LARP1: variants seen among roughly 807,000 people sequenced by gnomAD.
LARP1 encodes the protein La ribonucleoprotein 1, translational regulator, also known as la-related protein 1.
In LARP1, 36 loss-of-function variants were observed where a neutral mutation model predicts 122.7. That is an observed-to-expected ratio of 0.29 (90% confidence interval 0.22 to 0.39). The LOEUF is 0.39. Ranked by LOEUF, LARP1 falls within the 10% of genes least tolerant of loss-of-function variation. The pLI is 1.00. For missense variants in LARP1, 1,040 were observed against 1,403.6 expected (o/e 0.74, Z 4.14); for synonymous variants, 539 against 528.7 (o/e 1.02, Z -0.27).
At chr5:154,730,103 C>T (rs939360980) in intron 1 of LARP1, among the ~76,000 whole-genome samples, 11 of 152,162 alleles carry the variant, frequency 7.2e-5, no homozygotes, top group African/African-American at 2.7e-4. Context: ...TATTATAACA[C>T]CAATATTGCA....
intron 1 of LARP1, among the ~76,000 whole-genome samples, chr5:154,758,187 G>A (rs1359067777): frequency 2.0e-5 from 3 of 151,972 alleles, no homozygotes; most frequent in Non-Finnish European, 4.4e-5. Context: ...GCCTGAGCTG[G>A]CATTTTGTGT....
intron 1 of LARP1, 109 bp downstream of exon 1, chr5:154,756,302 C>G (rs1004153264): frequency 2.1e-6 from 2 of 949,566 alleles, no homozygotes; most frequent in Middle Eastern, 5.1e-4. Context: ...GTCATGGTGA[C>G]TCGGGACTTT....
At chr5:154,801,242 G>A (rs1200156483) in intron 10 of LARP1, among the ~76,000 whole-genome samples, 8 of 152,192 alleles carry the variant, frequency 5.3e-5, no homozygotes, top group African/African-American at 1.9e-4. Context: ...TGGAACAATG[G>A]TATTCTTTCT....
At chr5:154,753,939 AG>A (rs1461451836), upstream of LARP1, among the ~76,000 whole-genome samples, 1 of 152,098 alleles carries the variant, frequency 6.6e-6, no homozygotes, top group African/African-American at 2.4e-5. Context: ...CCAACATTCC[AG>A]GCTGTTATGT....
rs556606351 is a variant in LARP1, at chr5:154,788,647, G to C, written c.437-1678G>C. 1.1e-3 allele frequency among the ~76,000 whole-genome samples: 162 copies of C among 152,188 alleles called. 2 individuals carry two copies. The highest frequency in any genetic ancestry group is 3.7e-3 in the African/African-American group (155 of 41,518). On this transcript the variant is annotated intron_variant, in intron 1 of 18. Coordinates refer to ENST00000518297, the MANE Select transcript of LARP1 (RefSeq NM_033551.3). ...ATGTATCTTTTCCTGTGGGTTTCTG[G>C]GGGAGGAAGGGGCACAGAAATTCTT...
Position 154,790,328 on chromosome 5 carries a change from A to T in LARP1, c.440A>T (p.His147Leu). ...CTCTCCCTTCTTGTTCCCACAGAAC[A>T]CTCTGCTCCAGCCAAGGTGGTGAGG... ...TTVNGQSPPEHSAPAKVVRAA... is the reference protein window; with the variant it reads ...TTVNGQSPPELSAPAKVVRAA... Residue 147 changes from histidine to leucine, a missense_variant, in exon 2 of 19, where the codon CAC (histidine) becomes CTC (leucine). Coordinates refer to ENST00000518297, the MANE Select transcript of LARP1 (RefSeq NM_033551.3). 1 of 1,613,336 alleles carries T rather than the reference A, an allele frequency of 6.2e-7. No individual in the cohort carries two copies. The highest frequency in any genetic ancestry group is 8.5e-7 in the Non-Finnish European group (1 of 1,179,708).
chr5:154,691,644 A>T (rs1353470809), intron 1 of LARP1, among the ~76,000 whole-genome samples: 1 of 152,026 alleles, frequency 6.6e-6, no homozygotes, highest in South Asian at 2.1e-4. Flanking sequence ...GTCAGGGAGG[A>T]TCTTGCATTC....
At chr5:154,692,367 C>T (rs1039724028) in intron 1 of LARP1, among the ~76,000 whole-genome samples, 1 of 152,114 alleles carries the variant, frequency 6.6e-6, no homozygotes, top group Non-Finnish European at 1.5e-5. Flanking sequence ...GCACACATTC[C>T]GCAGGACAGG....
At chr5:154,804,126 A>C in intron 13 of LARP1, 75 bp from the exon 14 acceptor site, 2 of 1,012,942 alleles carry the variant, frequency 2.0e-6, no homozygotes, top group African/African-American at 1.6e-5. Context: ...TGCCCATCTT[A>C]GTCCTACAAG....
At chr5:154,789,949 T>G (rs1757208424) in intron 1 of LARP1, among the ~76,000 whole-genome samples, 1 of 152,228 alleles carries the variant, frequency 6.6e-6, no homozygotes, top group South Asian at 2.1e-4. Flanking sequence ...CTATCAGACA[T>G]CTGCCATGAT....
intron 1 of LARP1, among the ~76,000 whole-genome samples, chr5:154,780,065 A>C (rs1582388846): frequency 6.6e-6 from 1 of 151,198 alleles, no homozygotes; most frequent in Non-Finnish European, 1.5e-5. Context: ...GCTGGCCTGG[A>C]TTGGGGGAAC....
intron 1 of LARP1, among the ~76,000 whole-genome samples, chr5:154,720,486 A>G (rs1461430876): frequency 6.6e-6 from 1 of 152,138 alleles, no homozygotes; most frequent in Non-Finnish European, 1.5e-5. Flanking sequence ...AGGCTGAGGT[A>G]GGAGGATCAC....
At chr5:154,717,538 C>T (rs887604412) in intron 1 of LARP1, among the ~76,000 whole-genome samples, 5 of 152,172 alleles carry the variant, frequency 3.3e-5, no homozygotes, top group Non-Finnish European at 4.4e-5. Flanking sequence ...ATCTTGGCTA[C>T]CTAGCTAATC....
Position 154,755,553 on chromosome 5 carries a change from C to G in LARP1, c.-205C>G. 2 of 987,518 alleles carry G rather than the reference C, an allele frequency of 2.0e-6. No homozygotes were observed. The highest frequency in any genetic ancestry group is 1.2e-6 in the Non-Finnish European group (1 of 830,130). 61.2% of individuals were successfully genotyped at this position (987,518 alleles called of 1,614,324 possible). The stretch of plus-strand genomic sequence containing the variant: ...TGCAGAGTGGGGGGCCTTCCTCCCC[C>G]CCCGCCCCGCTAGTGGGCCTCGGAT... On this transcript the variant is annotated 5_prime_UTR_variant, in exon 1 of 19. Transcript: ENST00000518297.
At chr5:154,705,101 G>C (rs1339545629) in intron 1 of LARP1, among the ~76,000 whole-genome samples, 1 of 115,956 alleles carries the variant, frequency 8.6e-6, no homozygotes, top group Admixed American at 1.1e-4. Context: ...CTGGGCGACA[G>C]ATCAAGACTC....
At chr5:154,789,891 C>A (rs1448378805) in intron 1 of LARP1, among the ~76,000 whole-genome samples, 6 of 152,168 alleles carry the variant, frequency 3.9e-5, no homozygotes. Context: ...GATCACTAGT[C>A]CTGGTCTGCT....
chr5:154,774,084 G>A (rs1464012145), intron 1 of LARP1, among the ~76,000 whole-genome samples: 3 of 149,802 alleles, frequency 2.0e-5, no homozygotes, highest in East Asian at 1.9e-4. Context: ...CACCTAAACC[G>A]GTGCCTCAGT....
chr5:154,758,848 T>G (rs1476669414), intron 1 of LARP1, among the ~76,000 whole-genome samples: 2 of 152,206 alleles, frequency 1.3e-5, no homozygotes, highest in Admixed American at 6.5e-5. Context: ...TATCTCTACT[T>G]TCTTGTGGGG....
intron 1 of LARP1, chr5:154,685,965 C>G: frequency 2.1e-6 from 1 of 471,992 alleles, no homozygotes; most frequent in South Asian, 1.6e-5. Context: ...GATTAAGTCT[C>G]TTTTATAAAC....
Sources: gnomAD v4.1 joint callset for allele counts (sites outside exome capture counted in the v4.1 genomes callset) on GRCh38, gnomAD v4.1.1 for gene constraint, MANE v1.5 for transcripts, NCBI Gene and HGNC (gene_info 2026-07-23, HGNC 2026-07-21) for gene names.